RYR1: variants seen among roughly 807,000 people sequenced by gnomAD.
RYR1 encodes the protein ryanodine receptor 1.
Under a neutral mutation model 583.5 loss-of-function variants are expected in RYR1, and 342 were observed. That is an observed-to-expected ratio of 0.59 (90% CI 0.54 to 0.64). RYR1 has a LOEUF of 0.64. Ranked by LOEUF, RYR1 falls within the 30% of genes least tolerant of loss-of-function variation. RYR1 has a pLI of 0.00. For synonymous variants in RYR1, 2,791 were observed against 2,822.5 expected (o/e 0.99, Z 0.35); for missense variants, 6,032 against 6,917.2 (o/e 0.87, Z 4.54).
At chr19:38,569,644 T>G (rs1266012112) in intron 93 of RYR1, among the ~76,000 whole-genome samples, 1 of 152,130 alleles carries the variant, frequency 6.6e-6, no homozygotes, top group Non-Finnish European at 1.5e-5. Flanking sequence ...GCCAAGTGGC[T>G]TGGAGCTTGG....
Position 38,463,454 on chromosome 19 carries a change from G to A in RYR1, c.2609G>A (p.Arg870Gln), listed in dbSNP as rs755152453. The A allele has an allele frequency of 8.1e-6, 13 of 1,613,802 alleles. No homozygotes were observed. The East Asian group carries it at 1.1e-4, about 14-fold the overall frequency. ...IVLPPHLERI[R>Q]EKLAENIHEL... ...CTGCCGCCCCATCTGGAGCGCATTC[G>A]GGAGAAGCTGGCGGAGAACATCCAC... Residue 870 changes from arginine to glutamine, a missense_variant, in exon 21 of 106, where the codon CGG (arginine) becomes CAG (glutamine). By Grantham distance (43) the Arg-to-Gln change is conservative. Coordinates refer to ENST00000359596, the MANE Select transcript of RYR1 (RefSeq NM_000540.3).
In RYR1 at chr19:38,483,703, G is replaced by T. The variant is rs919824789; in HGVS notation, c.4934+187G>T. ...CCAGATTATGTCCCAGGGGGATTCA[G>T]ACTCAACGCAGGAGGCTCTACACCA... On this transcript the variant is annotated intron_variant, in intron 33 of 105. Transcript: ENST00000359596. This position sits in a 1 kb window ranked among gnomAD's most constrained non-coding sequence, Gnocchi z 6.3. 6.6e-6 allele frequency among the ~76,000 whole-genome samples: 1 copy of T among 151,906 alleles called. No homozygotes were observed. The highest frequency in any genetic ancestry group is 2.4e-5 in the African/African-American group (1 of 41,322).
chr19:38,502,664 G>C lies in RYR1; in HGVS notation c.7772G>C (p.Arg2591Pro), dbSNP rs758169018. ...SMLHTVYRLSRGRSLTKAQRD... is the reference protein window; with the variant it reads ...SMLHTVYRLSPGRSLTKAQRD... ...CTGCATACCGTGTACCGCCTGTCTC[G>C]GGGTCGTTCGCTCACCAAGGCGCAG... The change falls in exon 48 of 106, where the codon CGG becomes CCG. Residue 2591 changes from arginine (R) to proline (P), a missense_variant. Transcript: ENST00000359596. The C allele has an allele frequency of 2.5e-6, 4 of 1,611,332 alleles. No homozygotes were observed. Among genetic ancestry groups the C allele is most frequent in the Non-Finnish European group, 3.4e-6 (4 of 1,179,854 alleles).
intron 12 of RYR1, among the ~76,000 whole-genome samples, chr19:38,452,126 CAAAAAAAA>C (rs66571762): frequency 5.4e-4 from 37 of 68,870 alleles, no homozygotes; most frequent in African/African-American, 1.9e-3. Context: ...CCGCCTCTAC[CAAAAAAAA>C]AAAAAAAAAA....
intron 42 of RYR1, among the ~76,000 whole-genome samples, chr19:38,498,078 C>T (rs1969927819): frequency 6.6e-6 from 1 of 152,140 alleles, no homozygotes; most frequent in African/African-American, 2.4e-5. Context: ...GCATTCTAGG[C>T]AGCGGGAACA....
intron 89 of RYR1, among the ~76,000 whole-genome samples, chr19:38,549,678 CATG>C (rs1351115972): frequency 4.8e-5 from 7 of 146,616 alleles, no homozygotes; most frequent in African/African-American, 1.8e-4. Context: ...TTTACTCCAT[CATG>C]ATTTCCCTTT....
Position 38,577,911 on chromosome 19 carries a change from TG to T in RYR1, c.14173-6del. The T allele has an allele frequency of 6.2e-7, 1 of 1,614,074 alleles. No homozygotes were observed. Among genetic ancestry groups the T allele is most frequent in the Non-Finnish European group, 8.5e-7 (1 of 1,180,016 alleles). On this transcript the variant is annotated splice_polypyrimidine_tract_variant and splice_region_variant and intron_variant, in intron 97 of 105. Coordinates refer to ENST00000359596, the MANE Select transcript of RYR1 (RefSeq NM_000540.3). ...GTGTCTACACAGCCTGATGCTCTCT[TG>T]TGCAGGTCCTGGACAAACATGGGGA...
intron 74 of RYR1, 28 bp downstream of exon 74, chr19:38,528,446 T>A: frequency 5.0e-6 from 8 of 1,610,236 alleles, no homozygotes; most frequent in Non-Finnish European, 5.9e-6. Flanking sequence ...AAGGGAAGCG[T>A]GAAGGGCTGC....
rs886054388 is a variant in RYR1, at chr19:38,485,680, G to C, written c.5025G>C (p.Leu1675=). ...GCCTCTACCGCGCTGTGTGCGCCCT[G>C]GGCAACAATCGCGTGGCGCACGCTC... The part of the protein sequence containing the change: ...TLRLYRAVCA[L]GNNRVAHALC... Residue 1675 remains leucine, a synonymous_variant, in exon 34 of 106, where the codon CTG becomes CTC. Coordinates refer to ENST00000359596, the MANE Select transcript of RYR1 (RefSeq NM_000540.3). 3 of 1,610,982 alleles carry C rather than the reference G, an allele frequency of 1.9e-6. No individual in the cohort carries two copies. Among genetic ancestry groups the C allele is most frequent in the East Asian group, 4.5e-5 (2 of 44,868 alleles).
intron 27 of RYR1, 67 bp from the exon 28 acceptor site, chr19:38,473,310 G>C: frequency 9.4e-6 from 15 of 1,590,098 alleles, no homozygotes; most frequent in Non-Finnish European, 1.2e-5. Context: ...TGTGTGACCA[G>C]GTGTAGGACC....
rs375669412 is a variant in RYR1, at chr19:38,460,565, G to A, written c.2551G>A (p.Val851Met). Residue 851 changes from valine to methionine, a missense_variant, in exon 20 of 106, where the codon GTG (valine) becomes ATG (methionine). Physicochemically the swap from Val to Met is conservative, Grantham distance 21. This residue lies in a region of RYR1 where 2,627 missense variants were observed against 2,961.3 expected (regional missense o/e 0.89). Coordinates refer to ENST00000359596, the MANE Select transcript of RYR1 (RefSeq NM_000540.3). ...PSRCLSHTDF[V>M]PCPVDTVQIV... ...TCGCTGCCTCTCACACACCGACTTC[G>A]TGCCCTGCCCTGTGGACACTGTCCA... The A allele has an allele frequency of 2.4e-4, 392 of 1,613,112 alleles. 4 individuals are homozygous for A. The South Asian group carries it at 3.8e-3, about 15-fold the overall frequency.
chr19:38,437,074 G>A lies in RYR1; in HGVS notation c.45+3200G>A, dbSNP rs75894379. On this transcript the variant is annotated intron_variant, in intron 1 of 105. Transcript: ENST00000359596. ...TTTCTTTTTCTTTTTTTTTTAAGAT[G>A]GAGTCTTCCTTTGTAGCCCAGGCTG... Among the ~76,000 whole-genome samples, 268 of 150,242 alleles carry A rather than the reference G, an allele frequency of 1.8e-3. 5 individuals carry two copies. In the East Asian group the frequency reaches 0.034, roughly 19 times the overall value.
chr19:38,587,516 G>T lies in RYR1; in HGVS notation c.*96G>T. 1 of 894,970 alleles carries T rather than the reference G, an allele frequency of 1.1e-6. No homozygotes were observed. Among genetic ancestry groups the T allele is most frequent in the East Asian group, 2.4e-5 (1 of 41,150 alleles). The allele number at this position is 894,970 out of a possible 1,614,324, so 55.4% of individuals were successfully genotyped here. ...GCCCCTCCCCCTAAGGCAGCTGGGG[G>T]AGAGGTGACCTAGTACTGGAAAATA... On this transcript the variant is annotated 3_prime_UTR_variant, in exon 106 of 106. Transcript: ENST00000359596.
chr19:38,484,362 T>TC (rs1220022044), intron 33 of RYR1, among the ~76,000 whole-genome samples: 10 of 151,268 alleles, frequency 6.6e-5, no homozygotes, highest in African/African-American at 2.4e-4. Flanking sequence ...CCTCTTTCTT[T>TC]CTTTCCTTCC....
At chr19:38,455,399 G>T (rs747231810) in intron 14 of RYR1, 29 bp downstream of exon 14, 7 of 1,614,030 alleles carry the variant, frequency 4.3e-6, no homozygotes, top group Non-Finnish European at 5.1e-6. Flanking sequence ...ACTCCCCTGA[G>T]AACACCCCAG....
At chr19:38,450,867 C>T (rs1431700082) in intron 11 of RYR1, among the ~76,000 whole-genome samples, 1 of 152,188 alleles carries the variant, frequency 6.6e-6, no homozygotes, top group Non-Finnish European at 1.5e-5. Flanking sequence ...GCACATTCCC[C>T]CATGCAAGCT....
chr19:38,586,666 C>G (rs1974505064), intron 105 of RYR1, 90 bp downstream of exon 105: 2 of 1,278,906 alleles, frequency 1.6e-6, no homozygotes, highest in Non-Finnish European at 2.3e-6. Flanking sequence ...AAGCTCCTAT[C>G]AATATCAAGG....
intron 88 of RYR1, among the ~76,000 whole-genome samples, chr19:38,548,009 G>A (rs1490414593): frequency 6.6e-6 from 1 of 152,062 alleles, no homozygotes; most frequent in African/African-American, 2.4e-5. Context: ...CACCACGTCC[G>A]ACCTGACATC....
At chr19:38,502,819 G>C in intron 48 of RYR1, 61 bp from the exon 49 acceptor site, 1 of 1,523,560 alleles carries the variant, frequency 6.6e-7, no homozygotes, top group East Asian at 2.4e-5. Flanking sequence ...GGAGGAGCAG[G>C]GGCAGGGGCA....
Sources: gnomAD v4.1 joint callset for allele counts (sites outside exome capture counted in the v4.1 genomes callset) on GRCh38, gnomAD v4.1.1 for gene constraint, gnomAD v4.1.1 regional missense constraint, Gnocchi (gnomAD v3.1) non-coding constraint, MANE v1.5 for transcripts, NCBI Gene and HGNC (gene_info 2026-07-23, HGNC 2026-07-21) for gene names.